The following STXBP6 variants were observed in gnomAD, a reference collection of about 807,000 sequenced individuals.
The protein encoded by STXBP6 is syntaxin-binding protein 6.
STXBP6 carries 21 observed loss-of-function variants against 26.9 expected under a neutral mutation model. That is an observed-to-expected ratio of 0.78 (90% CI 0.55 to 1.12). The LOEUF (loss-of-function observed/expected upper bound fraction) is 1.12, where lower values mean the gene tolerates loss of function less well. Ranked by LOEUF, STXBP6 falls within the 50% of genes most tolerant of loss-of-function variation. The pLI, the probability that STXBP6 is intolerant of heterozygous loss-of-function variation, is 0.00. For missense variants in STXBP6, 232 were observed against 257.9 expected (o/e 0.90, Z 0.69); for synonymous variants, 97 against 92.6 (o/e 1.05, Z -0.27).
rs145800524 is a variant in STXBP6, at chr14:24,947,618, G to A, written c.154+27047C>T. Among the ~76,000 whole-genome samples the A allele has an allele frequency of 3.1e-3, 474 of 152,308 alleles. 5 individuals carry two copies. The highest frequency in any genetic ancestry group is 0.01 in the African/African-American group (436 of 41,568). Reference sequence around the variant, plus strand: ...CAACTTCTATGCTTAGACACTAAGCGTTCTTCACACATGGGGAAAACTGAC... The same window carrying A: ...CAACTTCTATGCTTAGACACTAAGCATTCTTCACACATGGGGAAAACTGAC... On this transcript the variant is annotated intron_variant, in intron 2 of 5. Transcript: ENST00000323944.
intron 2 of STXBP6, among the ~76,000 whole-genome samples, chr14:24,901,040 G>T (rs1199476229): frequency 6.6e-6 from 1 of 152,060 alleles, no homozygotes; most frequent in Non-Finnish European, 1.5e-5. Flanking sequence ...CTTAAAGCAA[G>T]AATCTCATAT....
chr14:24,840,804 A>G (rs1484834087), intron 4 of STXBP6, among the ~76,000 whole-genome samples: 1 of 151,342 alleles, frequency 6.6e-6, no homozygotes. Flanking sequence ...TTTATATTCT[A>G]TCATTTTAAA....
At chr14:24,926,349 GAT>G (rs142696604) in intron 2 of STXBP6, among the ~76,000 whole-genome samples, 59,454 of 151,720 alleles carry the variant, frequency 0.39, 11,902 homozygotes, top group Admixed American at 0.51. Flanking sequence ...CGCTTTTCCT[GAT>G]ATCTTTGGGC....
chr14:24,916,268 C>T (rs2071762109), intron 2 of STXBP6, among the ~76,000 whole-genome samples: 1 of 152,082 alleles, frequency 6.6e-6, no homozygotes, highest in South Asian at 2.1e-4. Context: ...GTAGAGAAGG[C>T]TCAACTCATC....
At chr14:24,894,787 CA>C (rs1566452470) in intron 2 of STXBP6, among the ~76,000 whole-genome samples, 2 of 152,194 alleles carry the variant, frequency 1.3e-5, no homozygotes, top group Non-Finnish European at 2.9e-5. Context: ...TGGTAGCTAG[CA>C]GACGAAAGGC....
At chr14:24,918,452 CCACACACACA>C (rs55810129) in intron 2 of STXBP6, among the ~76,000 whole-genome samples, 3,130 of 133,448 alleles carry the variant, frequency 0.023, 56 homozygotes, top group Non-Finnish European at 0.032. Context: ...CACACCCCCA[CCACACACACA>C]CACACACACA....
intron 2 of STXBP6, among the ~76,000 whole-genome samples, chr14:24,866,551 A>G (rs2139287872): frequency 6.6e-6 from 1 of 152,268 alleles, no homozygotes; most frequent in Middle Eastern, 3.4e-3. Flanking sequence ...AAGAGTATTG[A>G]AAAGAATAAA....
At chr14:24,869,215 A>G (rs2069836418) in intron 2 of STXBP6, among the ~76,000 whole-genome samples, 1 of 152,166 alleles carries the variant, frequency 6.6e-6, no homozygotes, top group Non-Finnish European at 1.5e-5. Flanking sequence ...TTTATTGGCT[A>G]TCTCTCTTTT....
Position 24,811,514 on chromosome 14 carries a change from TATCTTGAGTAATAGAAA to T in STXBP6, c.*1178_*1194del, listed in dbSNP as rs2067823664. The stretch of plus-strand genomic sequence containing the variant: ...AACTTCTAGACCCTAAGCCCCTTAT[TATCTTGAGTAATAGAAA>T]ATCACGAGGTGTGTGACCAACTGTA... On this transcript the variant is annotated 3_prime_UTR_variant, in exon 6 of 6. Coordinates refer to ENST00000323944, the MANE Select transcript of STXBP6 (RefSeq NM_001394410.1). 2 of 152,248 alleles carry T rather than the reference TATCTTGAGTAATAGAAA, an allele frequency of 1.3e-5. No homozygotes were observed. Among genetic ancestry groups the T allele is most frequent in the South Asian group, 2.1e-4 (1 of 4,822 alleles). 9.4% of individuals were successfully genotyped at this position (152,248 alleles called of 1,614,324 possible).
At chr14:24,864,717 GA>G (rs1036929457) in intron 2 of STXBP6, among the ~76,000 whole-genome samples, 1 of 152,054 alleles carries the variant, frequency 6.6e-6, no homozygotes, top group Non-Finnish European at 1.5e-5. Flanking sequence ...TAGGTTTTTG[GA>G]AAAATCAAAG....
chr14:24,995,341 G>A (rs983342726), intron 1 of STXBP6, among the ~76,000 whole-genome samples: 1 of 152,092 alleles, frequency 6.6e-6, no homozygotes, highest in Non-Finnish European at 1.5e-5. Flanking sequence ...TTCAGCATAC[G>A]AATTTTGGGG....
chr14:25,044,783 G>A (rs919770691), intron 1 of STXBP6, among the ~76,000 whole-genome samples: 4 of 152,150 alleles, frequency 2.6e-5, no homozygotes, highest in African/African-American at 7.2e-5. Flanking sequence ...AGTAAATCTC[G>A]CACTGTGCTG....
chr14:24,897,793 G>A (rs1169570907), intron 2 of STXBP6, among the ~76,000 whole-genome samples: 2 of 152,148 alleles, frequency 1.3e-5, no homozygotes, highest in South Asian at 2.1e-4. Context: ...TCAGTACCAT[G>A]GCTCCTTCTG....
At chr14:24,974,391 G>T (rs1378843545) in intron 2 of STXBP6, among the ~76,000 whole-genome samples, 1 of 152,148 alleles carries the variant, frequency 6.6e-6, no homozygotes, top group Non-Finnish European at 1.5e-5. Context: ...TCCCCGTGAG[G>T]GCAAGTATGG....
chr14:24,971,513 A>G (rs1031828508), intron 2 of STXBP6, among the ~76,000 whole-genome samples: 9 of 152,294 alleles, frequency 5.9e-5, no homozygotes, highest in Middle Eastern at 3.4e-3. Flanking sequence ...CACTAATAGC[A>G]GGAAGAATAT....
chr14:24,899,803 A>AC (rs1438038815), intron 2 of STXBP6, among the ~76,000 whole-genome samples: 6 of 80,092 alleles, frequency 7.5e-5, no homozygotes, highest in Non-Finnish European at 1.3e-4. Flanking sequence ...AAAAAAAGCA[A>AC]AAAAAAAAAA....
intron 2 of STXBP6, among the ~76,000 whole-genome samples, chr14:24,927,987 A>G (rs183206731): frequency 6.6e-6 from 1 of 152,212 alleles, no homozygotes; most frequent in South Asian, 2.1e-4. Flanking sequence ...CTCTGCACAC[A>G]GAGACAACTG....
At chr14:24,971,206 T>C (rs531697077) in intron 2 of STXBP6, among the ~76,000 whole-genome samples, 4 of 152,302 alleles carry the variant, frequency 2.6e-5, no homozygotes, top group African/African-American at 7.2e-5. Context: ...CTAACTCTGA[T>C]CATAAAATGT....
chr14:24,851,233 A>G (rs1338234458), intron 4 of STXBP6, among the ~76,000 whole-genome samples: 1 of 80,906 alleles, frequency 1.2e-5, no homozygotes, highest in African/African-American at 4.9e-5. Context: ...GAGGCAGACC[A>G]CGTCTCTTTT....
Sources: allele counts gnomAD v4.1 joint callset (sites outside exome capture counted in the v4.1 genomes callset), GRCh38; gene constraint gnomAD v4.1.1; transcripts MANE v1.5; gene names NCBI Gene and HGNC (gene_info 2026-07-23, HGNC 2026-07-21).